Variants in GFPT2 observed in about 807,000 individuals in gnomAD.
The protein encoded by GFPT2 is glutamine--fructose-6-phosphate transaminase 2.
A neutral mutation model predicts 85.6 loss-of-function variants in GFPT2; 62 were observed. The observed-to-expected ratio is 0.72, with a 90% CI of 0.59 to 0.90. GFPT2 has a LOEUF of 0.90. Ranked by LOEUF, GFPT2 falls within the 40% of genes least tolerant of loss-of-function variation. The pLI, the probability that GFPT2 is intolerant of heterozygous loss-of-function variation, is 0.00. For synonymous variants in GFPT2, 368 were observed against 344.5 expected (o/e 1.07, Z -0.75); for missense variants, 788 against 893.4 (o/e 0.88, Z 1.50).
Position 180,307,284 on chromosome 5 carries a change from C to T in GFPT2, c.1566G>A (p.Leu522=). The T allele has an allele frequency of 6.2e-7, 1 of 1,613,978 alleles. No individual in the cohort carries two copies. The highest frequency in any genetic ancestry group is 8.5e-7 in the Non-Finnish European group (1 of 1,179,876). The change falls in exon 16 of 19, where the codon CTG becomes CTA. Residue 522 remains leucine (L), a synonymous_variant. Coordinates refer to ENST00000253778, the MANE Select transcript of GFPT2 (RefSeq NM_005110.4). The part of the protein sequence containing the change: ...RSLPELIKEV[L]SLEEKIHDLA... ...AGTCGTGGATCTTCTCCTCCAGAGA[C>T]AGCACTTCCTTGATCAGCTCTGGGC... is the stretch of plus-strand genomic sequence containing the variant.
chr5:180,316,625 TG>T, intron 12 of GFPT2, 138 bp downstream of exon 12: 2 of 905,146 alleles, frequency 2.2e-6, no homozygotes, highest in Admixed American at 4.8e-5. Flanking sequence ...AAGGGCTCCG[TG>T]TCATTTCTCA....
intron 1 of GFPT2, 125 bp downstream of exon 1, chr5:180,353,086 C>T (rs1405542516): frequency 2.6e-6 from 2 of 774,738 alleles, no homozygotes; most frequent in African/African-American, 3.6e-5. Context: ...GGTAGGGGCC[C>T]GGGGCAGATC....
chr5:180,318,467 G>C lies in GFPT2; in HGVS notation c.958+326C>G, dbSNP rs1764055291. On this transcript the variant is annotated intron_variant, in intron 10 of 18. Transcript: ENST00000253778. The surrounding 1 kb of genome is among the most constrained non-coding windows in gnomAD (Gnocchi z 4.2). ...ACCCCCCATTTACTGCAGACCTGCA[G>C]ACTTCCACCCAGAGGAGAAATGATG... is the stretch of plus-strand genomic sequence containing the variant. Among the ~76,000 whole-genome samples the C allele has an allele frequency of 6.6e-6, 1 of 152,136 alleles. No homozygotes were observed. The highest frequency in any genetic ancestry group is 2.4e-5 in the African/African-American group (1 of 41,426).
Position 180,304,813 on chromosome 5 carries a change from C to G in GFPT2, c.1801G>C (p.Ala601Pro), listed in dbSNP as rs539000015. 6.2e-7 allele frequency: 1 copy of G among 1,613,926 alleles called. No individual in the cohort carries two copies. Among genetic ancestry groups the G allele is most frequent in the South Asian group, 1.1e-5 (1 of 91,080 alleles). ...TGCTGCAGGGCGTTCTGGCATTTGG[C>G]GAAGCAAGGATCCTTCATAATGACC... is the stretch of plus-strand genomic sequence containing the variant. The part of the protein sequence containing the change: ...IMVIMKDPCF[A>P]KCQNALQQVT... The change falls in exon 17 of 19, where the codon GCC (alanine) becomes CCC (proline). Residue 601 changes from alanine to proline, a missense_variant. Physicochemically the swap from Ala to Pro is conservative, Grantham distance 27. Transcript: ENST00000253778.
chr5:180,352,026 C>T (rs1186001932), intron 1 of GFPT2, among the ~76,000 whole-genome samples: 1 of 152,018 alleles, frequency 6.6e-6, no homozygotes, highest in African/African-American at 2.4e-5. Flanking sequence ...CCAAAGGTGG[C>T]TCTACACATG....
intron 4 of GFPT2, among the ~76,000 whole-genome samples, chr5:180,332,190 G>A (rs1275086824): frequency 2.0e-5 from 3 of 151,678 alleles, no homozygotes; most frequent in Non-Finnish European, 4.4e-5. Context: ...GCTCACGCGG[G>A]CGGCTTCCTG....
At chr5:180,348,102 C>T (rs62404958) in intron 1 of GFPT2, among the ~76,000 whole-genome samples, 35,892 of 152,080 alleles carry the variant, frequency 0.24, 4,331 homozygotes, top group Middle Eastern at 0.3. Context: ...TGTCTTTCTC[C>T]CACCATCTGT....
chr5:180,318,644 G>A lies in GFPT2; in HGVS notation c.958+149C>T. ...AGCCTCCCCACATCCCCTCACCTGTGCAAGCCACAGGCTACCTGCAGCCCC... is the reference window on the plus strand; with the variant it reads ...AGCCTCCCCACATCCCCTCACCTGTACAAGCCACAGGCTACCTGCAGCCCC... On this transcript the variant is annotated intron_variant, in intron 10 of 18. Transcript: ENST00000253778. This position sits in a 1 kb window ranked among gnomAD's most constrained non-coding sequence, Gnocchi z 4.2. 1 of 671,330 alleles carries A rather than the reference G, an allele frequency of 1.5e-6. No homozygotes were observed. Among genetic ancestry groups the A allele is most frequent in the East Asian group, 2.7e-5 (1 of 36,386 alleles). 41.6% of individuals were successfully genotyped at this position (671,330 alleles called of 1,614,324 possible).
chr5:180,352,726 G>C, intron 1 of GFPT2: 1 of 405,230 alleles, frequency 2.5e-6, no homozygotes, highest in South Asian at 1.7e-5. Context: ...CGGGCGGGCT[G>C]CGGGGACGGC....
intron 2 of GFPT2, among the ~76,000 whole-genome samples, chr5:180,338,209 A>G (rs1056815742): frequency 3.3e-5 from 5 of 152,192 alleles, no homozygotes; most frequent in Non-Finnish European, 5.9e-5. Context: ...GCAGCTGTCC[A>G]GGACTTACTC....
chr5:180,314,063 GC>G, intron 13 of GFPT2, 99 bp from the exon 14 acceptor site: 1 of 1,213,280 alleles, frequency 8.2e-7, no homozygotes, highest in South Asian at 1.5e-5. Flanking sequence ...GGAAATCGGC[GC>G]CCGAGACACA....
At position 180,318,873 on chromosome 5, in the gene GFPT2, T is replaced by G. The variant is rs1764064737; in HGVS notation, c.878A>C (p.His293Pro). ...AAVADGKLSI[H>P]RVKRSASDDP... Reference sequence around the variant, plus strand: ...ATCACTGGCCGAGCGCTTGACCCGGTGAATGGAGAGTTTCCCATCAGCCAC... The same window carrying G: ...ATCACTGGCCGAGCGCTTGACCCGGGGAATGGAGAGTTTCCCATCAGCCAC... Residue 293 changes from histidine (H) to proline (P), a missense_variant, in exon 10 of 19, where the codon CAC becomes CCC. Physicochemically the swap from His to Pro is moderately conservative, Grantham distance 77. Coordinates refer to ENST00000253778, the MANE Select transcript of GFPT2 (RefSeq NM_005110.4). This position sits in a 1 kb window ranked among gnomAD's most constrained non-coding sequence, Gnocchi z 4.2. 6.2e-7 allele frequency: 1 copy of G among 1,613,958 alleles called. No homozygotes were observed. The highest frequency in any genetic ancestry group is 8.5e-7 in the Non-Finnish European group (1 of 1,179,978).
chr5:180,323,236 C>T lies in GFPT2; in HGVS notation c.794+952G>A, dbSNP rs896694456. The stretch of plus-strand genomic sequence containing the variant: ...ACCAGCGTCTCGTTGGTATTCTCGG[C>T]GTGTTCTAAGGGGCACCATTTGGGA... On this transcript the variant is annotated intron_variant, in intron 9 of 18. Transcript: ENST00000253778. This position sits in a 1 kb window ranked among gnomAD's most constrained non-coding sequence, Gnocchi z 4.0. 6.6e-5 allele frequency among the ~76,000 whole-genome samples: 10 copies of T among 152,224 alleles called. No individual in the cohort carries two copies. Among genetic ancestry groups the T allele is most frequent in the Admixed American group, 6.5e-4 (10 of 15,282 alleles).
At chr5:180,311,652 G>C (rs910690273) in intron 15 of GFPT2, among the ~76,000 whole-genome samples, 1 of 152,186 alleles carries the variant, frequency 6.6e-6, no homozygotes, top group African/African-American at 2.4e-5. Context: ...CTGGCAGACA[G>C]AGCTGTGTGT....
Position 180,338,612 on chromosome 5 carries a change from G to A in GFPT2, c.8-12C>T. ...GTAGGCAAAGATTCCTGTTCAAAGAGAAAAAAATGGTGCATTCATAAAATA... is the reference window on the plus strand; with the variant it reads ...GTAGGCAAAGATTCCTGTTCAAAGAAAAAAAAATGGTGCATTCATAAAATA... On this transcript the variant is annotated splice_polypyrimidine_tract_variant and intron_variant, in intron 1 of 18. Transcript: ENST00000253778. 2.7e-6 allele frequency: 4 copies of A among 1,459,556 alleles called. No individual in the cohort carries two copies. The highest frequency in any genetic ancestry group is 1.8e-5 in the Admixed American group (1 of 57,082). The allele number at this position is 1,459,556 out of a possible 1,614,324, so 90.4% of individuals were successfully genotyped here.
chr5:180,324,707 C>T (rs1764179690), intron 8 of GFPT2, 109 bp downstream of exon 8: 7 of 780,568 alleles, frequency 9.0e-6, no homozygotes, highest in Non-Finnish European at 1.6e-5. Context: ...TTGGGTCTGG[C>T]TCAGAGTGGG....
At chr5:180,305,080 A>T in intron 16 of GFPT2, 141 bp from the exon 17 acceptor site, 1 of 672,508 alleles carries the variant, frequency 1.5e-6, no homozygotes, top group South Asian at 1.7e-5. Flanking sequence ...AGATGCCTGG[A>T]GTGCTTGACA....
In GFPT2 at chr5:180,330,633, G is replaced by C. The variant is rs1036841556; in HGVS notation, c.534+67C>G. The C allele has an allele frequency of 9.6e-6, 13 of 1,353,936 alleles. No individual in the cohort carries two copies. In the African/African-American group the frequency reaches 1.7e-4, roughly 18 times the overall value. The allele number at this position is 1,353,936 out of a possible 1,614,324, so 83.9% of individuals were successfully genotyped here. A position where few individuals can be genotyped will look rare whatever the true frequency, so the allele number is the denominator to read the frequency against. ...AATGAAGGATTCCTTGGCACTTGCT[G>C]CTTGAAAAAAATGTTTTTAATGAAA... On this transcript the variant is annotated intron_variant, in intron 6 of 18. Coordinates refer to ENST00000253778, the MANE Select transcript of GFPT2 (RefSeq NM_005110.4). This position sits in a 1 kb window ranked among gnomAD's most constrained non-coding sequence, Gnocchi z 4.4.
chr5:180,341,877 A>T (rs942790919), intron 1 of GFPT2, among the ~76,000 whole-genome samples: 2 of 152,168 alleles, frequency 1.3e-5, no homozygotes, highest in African/African-American at 4.8e-5. Context: ...TGGGCATGGG[A>T]GGTACTTTTG....
Sources: gnomAD v4.1 joint callset for allele counts (sites outside exome capture counted in the v4.1 genomes callset) on GRCh38, gnomAD v4.1.1 for gene constraint, Gnocchi (gnomAD v3.1) non-coding constraint, MANE v1.5 for transcripts, NCBI Gene and HGNC (gene_info 2026-07-23, HGNC 2026-07-21) for gene names.